The following SZT2 variants were observed in gnomAD, a reference collection of about 807,000 sequenced individuals.
SZT2 encodes KICSTOR complex protein SZT2.
A neutral mutation model predicts 404.2 loss-of-function variants in SZT2; 216 were observed. The ratio of observed to expected loss-of-function variants is 0.53; its 90% confidence interval spans 0.48 to 0.60. SZT2 has a LOEUF of 0.60. Ranked by LOEUF, SZT2 falls within the 20% of genes least tolerant of loss-of-function variation. The probability of loss-of-function intolerance (pLI) is 0.00; values close to 1 mark genes in which losing one functional copy is unlikely to be tolerated. For synonymous variants in SZT2, 1,693 were observed against 1,749.9 expected, an observed-to-expected ratio of 0.97 and a Z score of 0.81; for missense variants, 3,857 against 4,459.2, an observed-to-expected ratio of 0.86 and a Z score of 3.85.
At chr1:43,391,058 T>C (rs1648247877) in intron 1 of SZT2, among the ~76,000 whole-genome samples, 1 of 152,200 alleles carries the variant, frequency 6.6e-6, no homozygotes, top group African/African-American at 2.4e-5. Flanking sequence ...GGCTTACACC[T>C]GTAATCCCAA....
Position 43,453,382 on chromosome 1 carries a change from G to A in SZT2, c.*2902G>A. 4.5e-6 allele frequency: 7 copies of A among 1,540,528 alleles called. No homozygotes were observed. Among genetic ancestry groups the A allele is most frequent in the Admixed American group, 2.0e-5 (1 of 51,182 alleles). ...AGGGGTGGGGGTGGGGTGGAGCGGGGTACCTGGGACAGCCCAGGGCTTTGG... is the reference window on the plus strand; with the variant it reads ...AGGGGTGGGGGTGGGGTGGAGCGGGATACCTGGGACAGCCCAGGGCTTTGG... On this transcript the variant is annotated 3_prime_UTR_variant, in exon 72 of 72. Transcript: ENST00000634258.
In SZT2 at chr1:43,428,399, C is replaced by T; in HGVS notation, c.4079C>T (p.Pro1360Leu). ...TWGLPHAPPS[P>L]GPLSPGPFSS... The stretch of plus-strand genomic sequence containing the variant: ...GGTTTGCCTCATGCACCCCCAAGTC[C>T]TGGTCCTCTCAGCCCTGGGCCCTTC... The change falls in exon 28 of 72, where the codon CCT becomes CTT. Residue 1360 changes from proline to leucine, a missense_variant. Coordinates refer to ENST00000634258, the MANE Select transcript of SZT2 (RefSeq NM_001365999.1). The T allele has an allele frequency of 6.2e-7, 1 of 1,614,168 alleles. No individual in the cohort carries two copies. Among genetic ancestry groups the T allele is most frequent in the Non-Finnish European group, 8.5e-7 (1 of 1,180,030 alleles).
intron 1 of SZT2, among the ~76,000 whole-genome samples, chr1:43,393,633 A>C (rs1379022198): frequency 6.6e-6 from 1 of 152,206 alleles, no homozygotes; most frequent in East Asian, 1.9e-4. Flanking sequence ...TTTTGTGGGA[A>C]TGTGTTAACA....
chr1:43,426,033 C>G lies in SZT2; in HGVS notation c.2930-5C>G, dbSNP rs548527248. 1.2e-6 allele frequency: 2 copies of G among 1,613,566 alleles called. No individual in the cohort carries two copies. Among genetic ancestry groups the G allele is most frequent in the Non-Finnish European group, 1.7e-6 (2 of 1,179,676 alleles). On this transcript the variant is annotated splice_region_variant and splice_polypyrimidine_tract_variant and intron_variant, in intron 20 of 71. Coordinates refer to ENST00000634258, the MANE Select transcript of SZT2 (RefSeq NM_001365999.1). The surrounding 1 kb of genome is among the most constrained non-coding windows in gnomAD (Gnocchi z 4.9). ...TCACTGTGTCCTGTCCTTCCTCCCT[C>G]GTAGGATTGGATCAGGGAGGAGACA...
Position 43,441,681 on chromosome 1 carries a change from C to A in SZT2, c.7610-5C>A. 1 of 1,614,160 alleles carries A rather than the reference C, an allele frequency of 6.2e-7. No homozygotes were observed. Among genetic ancestry groups the A allele is most frequent in the Non-Finnish European group, 8.5e-7 (1 of 1,180,018 alleles). On this transcript the variant is annotated splice_region_variant and splice_polypyrimidine_tract_variant and intron_variant, in intron 54 of 71. Transcript: ENST00000634258. The surrounding 1 kb of genome is among the most constrained non-coding windows in gnomAD (Gnocchi z 4.8). Reference sequence around the variant, plus strand: ...CAGCTCCACAGTGACTCCTCTGCCTCCTAGGTTGTGCCTCAGTGTCCAGAA... The same window carrying A: ...CAGCTCCACAGTGACTCCTCTGCCTACTAGGTTGTGCCTCAGTGTCCAGAA...
rs1188230571 is a variant in SZT2, at chr1:43,427,512, G to A, written c.3599-18G>A. 1.3e-5 allele frequency: 21 copies of A among 1,613,976 alleles called. No homozygotes were observed. Among genetic ancestry groups the A allele is most frequent in the Non-Finnish European group, 1.8e-5 (21 of 1,179,924 alleles). On this transcript the variant is annotated intron_variant, in intron 25 of 71. Transcript: ENST00000634258. ...AACAGATAGAGCTGGAAGACCACGT[G>A]ACACCTTTTCTTCACAGACAATGCC...
In SZT2 at chr1:43,447,677, C is replaced by T. The variant is rs1655843078; in HGVS notation, c.9419C>T (p.Ala3140Val). The change falls in exon 67 of 72, where the codon GCC (alanine) becomes GTC (valine). Residue 3140 changes from alanine to valine, a missense_variant. Physicochemically the swap from Ala to Val is moderately conservative, Grantham distance 64. Transcript: ENST00000634258. The stretch of plus-strand genomic sequence containing the variant: ...GGGGGCCCAGAACACAACGAGTATG[C>T]CCTGGTGTCGGCATGGCACAGGTAA... Reference protein sequence around the residue: ...RPGGPEHNEYALVSAWHSSGS... With the variant: ...RPGGPEHNEYVLVSAWHSSGS... The T allele has an allele frequency of 8.7e-6, 14 of 1,614,026 alleles. No individual in the cohort carries two copies. The highest frequency in any genetic ancestry group is 1.1e-5 in the Non-Finnish European group (13 of 1,179,960).
rs1654830746 is a variant in SZT2, at chr1:43,439,488, G to C, written c.6877+46G>C. ...CTGTGGCACCACCAGGTGAGGGAAAGCCTTTTGTCATCCTATTGCTAAGAG... is the reference window on the plus strand; with the variant it reads ...CTGTGGCACCACCAGGTGAGGGAAACCCTTTTGTCATCCTATTGCTAAGAG... On this transcript the variant is annotated intron_variant, in intron 49 of 71. Coordinates refer to ENST00000634258, the MANE Select transcript of SZT2 (RefSeq NM_001365999.1). This position sits in a 1 kb window ranked among gnomAD's most constrained non-coding sequence, Gnocchi z 4.2. 1 of 1,597,996 alleles carries C rather than the reference G, an allele frequency of 6.3e-7. No homozygotes were observed. The highest frequency in any genetic ancestry group is 1.3e-5 in the African/African-American group (1 of 74,586).
Position 43,437,954 on chromosome 1 carries a change from T to C in SZT2, c.6508+52T>C. The C allele has an allele frequency of 6.4e-7, 1 of 1,558,600 alleles. No homozygotes were observed. Among genetic ancestry groups the C allele is most frequent in the Non-Finnish European group, 8.8e-7 (1 of 1,130,670 alleles). ...GTCGCCACATGAGGTTCCAGAATCC[T>C]CTGGGACTTCTCTTAGAACCTTGCA... On this transcript the variant is annotated intron_variant, in intron 46 of 71. Coordinates refer to ENST00000634258, the MANE Select transcript of SZT2 (RefSeq NM_001365999.1). This position sits in a 1 kb window ranked among gnomAD's most constrained non-coding sequence, Gnocchi z 5.3.
chr1:43,439,102 G>A lies in SZT2; in HGVS notation c.6792+9G>A. The A allele has an allele frequency of 6.2e-7, 1 of 1,614,012 alleles. No homozygotes were observed. The stretch of plus-strand genomic sequence containing the variant: ...GCCGGAACCACTTCCAAGTGAGATG[G>A]CACTCATCTCTCTCCACACTCATGT... On this transcript the variant is annotated intron_variant, in intron 48 of 71. Coordinates refer to ENST00000634258, the MANE Select transcript of SZT2 (RefSeq NM_001365999.1). The surrounding 1 kb of genome is among the most constrained non-coding windows in gnomAD (Gnocchi z 4.2).
At position 43,443,295 on chromosome 1, in the gene SZT2, T is replaced by C. The variant is rs1180527135; in HGVS notation, c.8499+28T>C. On this transcript the variant is annotated intron_variant, in intron 60 of 71. Transcript: ENST00000634258. ...GAGTGACCCCAGCTTGCATCTTCCT[T>C]GAGTATCTGTGATCCTGCCCCGTCA... 1.9e-6 allele frequency: 3 copies of C among 1,613,752 alleles called. No individual in the cohort carries two copies. In the Admixed American group the frequency reaches 5.0e-5, roughly 27 times the overall value.
chr1:43,421,415 T>C, intron 11 of SZT2, 112 bp downstream of exon 11: 1 of 1,439,270 alleles, frequency 6.9e-7, no homozygotes. Context: ...CTAAGGCACC[T>C]AAGCCAGAAG....
chr1:43,439,601 C>T lies in SZT2; in HGVS notation c.6878-4C>T. On this transcript the variant is annotated splice_region_variant and splice_polypyrimidine_tract_variant and intron_variant, in intron 49 of 71. Transcript: ENST00000634258. The surrounding 1 kb of genome is among the most constrained non-coding windows in gnomAD (Gnocchi z 4.2). ...GCTGAGCCTTCCTATGGATTTCTAC[C>T]CAGGGGTTGCCTGCATCACTCTAGC... The T allele has an allele frequency of 6.2e-7, 1 of 1,613,836 alleles. No individual in the cohort carries two copies. Among genetic ancestry groups the T allele is most frequent in the Middle Eastern group, 1.7e-4 (1 of 6,060 alleles).
intron 1 of SZT2, among the ~76,000 whole-genome samples, chr1:43,401,867 A>G (rs898892586): frequency 3.9e-5 from 6 of 151,996 alleles, no homozygotes; most frequent in South Asian, 2.1e-4. Flanking sequence ...GCCTTCTGCT[A>G]TCATCCTTAT....
At chr1:43,447,288 T>A (rs1257307837) in intron 66 of SZT2, 120 bp downstream of exon 66, 41 of 1,208,914 alleles carry the variant, frequency 3.4e-5, no homozygotes, top group Non-Finnish European at 4.7e-5. Context: ...TCATCTCATG[T>A]CACACATACC....
intron 70 of SZT2, chr1:43,449,599 G>T (rs1167879257): frequency 1.7e-5 from 3 of 180,774 alleles, no homozygotes; most frequent in Admixed American, 1.6e-4. Flanking sequence ...GCCCTTCACT[G>T]TCTGCAAGGT....
rs755029775 is a variant in SZT2 at position 43,440,558 on chromosome 1, C to T, written c.7316C>T (p.Ala2439Val). 25 of 1,605,878 alleles carry T rather than the reference C, an allele frequency of 1.6e-5. No homozygotes were observed. Among genetic ancestry groups the T allele is most frequent in the Middle Eastern group, 1.7e-4 (1 of 6,060 alleles). ...PGEPVTPPSK[A>V]GRRSFWDMLS... Reference sequence around the variant, plus strand: ...GAGCCTGTGACTCCACCCAGCAAAGCGGGCCGGCGTAGCTTCTGGGATATG... The same window carrying T: ...GAGCCTGTGACTCCACCCAGCAAAGTGGGCCGGCGTAGCTTCTGGGATATG... Residue 2439 changes from alanine to valine, a missense_variant, in exon 52 of 72, where the codon GCG becomes GTG. Around this residue, in one of 7 missense-constraint regions of SZT2, gnomAD observed 573 missense variants for 592.4 expected, o/e 0.97. Transcript: ENST00000634258.
chr1:43,449,669 G>A (rs888195692), intron 70 of SZT2: 3 of 259,534 alleles, frequency 1.2e-5, no homozygotes, highest in South Asian at 5.1e-5. Context: ...GTGAACAGGC[G>A]GTAACTGAAG....
In SZT2 at chr1:43,454,039, C is replaced by T; in HGVS notation, c.*3559C>T. Reference sequence around the variant, plus strand: ...AGGGCGGCCGGAAAAGGAGCAGGACCCGCGCCTGGAGAAGGTAGGGAGGCC... The same window carrying T: ...AGGGCGGCCGGAAAAGGAGCAGGACTCGCGCCTGGAGAAGGTAGGGAGGCC... On this transcript the variant is annotated 3_prime_UTR_variant, in exon 72 of 72. Transcript: ENST00000634258. 1.7e-6 allele frequency: 2 copies of T among 1,152,848 alleles called. No individual in the cohort carries two copies. Among genetic ancestry groups the T allele is most frequent in the Non-Finnish European group, 2.1e-6 (2 of 938,306 alleles). The allele number at this position is 1,152,848 out of a possible 1,614,324, so 71.4% of individuals were successfully genotyped here.
Sources: gnomAD v4.1 joint callset for allele counts (sites outside exome capture counted in the v4.1 genomes callset) on GRCh38, gnomAD v4.1.1 for gene constraint, gnomAD v4.1.1 regional missense constraint, Gnocchi (gnomAD v3.1) non-coding constraint, MANE v1.5 for transcripts, NCBI Gene and HGNC (gene_info 2026-07-23, HGNC 2026-07-21) for gene names.